Variants in PITPNC1 observed in about 807,000 individuals in gnomAD.
PITPNC1 encodes cytoplasmic phosphatidylinositol transfer protein 1.
In PITPNC1, 18 loss-of-function variants were observed where a neutral mutation model predicts 44.7. That is an observed-to-expected ratio of 0.40 (90% confidence interval 0.28 to 0.60). The LOEUF (loss-of-function observed/expected upper bound fraction) is 0.60, where lower values mean the gene tolerates loss of function less well. Among genes scored for constraint, PITPNC1 ranks in the 20% least tolerant of loss-of-function variants. PITPNC1 has a pLI of 0.39. For synonymous variants in PITPNC1, 141 were observed against 149.6 expected, an observed-to-expected ratio of 0.94 and a Z score of 0.42; for missense variants, 290 against 418.4, an observed-to-expected ratio of 0.69 and a Z score of 2.68.
intron 5 of PITPNC1, 30 bp downstream of exon 5, chr17:67,578,287 C>G: frequency 6.8e-7 from 1 of 1,480,778 alleles, no homozygotes; most frequent in Non-Finnish European, 9.4e-7. Context: ...ATGCTGCGCT[C>G]GCCTCGTGGG....
chr17:67,657,464 T>C (rs2042284805), intron 6 of PITPNC1, among the ~76,000 whole-genome samples: 1 of 152,090 alleles, frequency 6.6e-6, no homozygotes, highest in Non-Finnish European at 1.5e-5. Flanking sequence ...CTGTTTAATA[T>C]TAAAAGTAAA....
intron 1 of PITPNC1, among the ~76,000 whole-genome samples, chr17:67,516,767 C>T (rs890698501): frequency 5.3e-5 from 8 of 152,126 alleles, no homozygotes; most frequent in Admixed American, 1.3e-4. Flanking sequence ...TACAGGCGCC[C>T]GCCACCACGC....
Position 67,694,709 on chromosome 17 carries a change from C to CTT in PITPNC1, c.*1822_*1823dup, listed in dbSNP as rs915874434. 2.0e-5 allele frequency: 3 copies of CTT among 152,152 alleles called. No individual in the cohort carries two copies. Among genetic ancestry groups the CTT allele is most frequent in the Non-Finnish European group, 4.4e-5 (3 of 68,026 alleles). The allele number at this position is 152,152 out of a possible 1,614,324, so 9.4% of individuals were successfully genotyped here. On this transcript the variant is annotated 3_prime_UTR_variant, in exon 9 of 9. Coordinates refer to ENST00000581322, the MANE Select transcript of PITPNC1 (RefSeq NM_012417.4). ...ATCTCTTCCCTAAGAATGATAGTAT[C>CTT]TTAGTAAGACACCTTCTATGCATGG...
chr17:67,591,725 T>G (rs139439780), intron 5 of PITPNC1, among the ~76,000 whole-genome samples: 164 of 152,284 alleles, frequency 1.1e-3, no homozygotes, highest in African/African-American at 3.7e-3. Context: ...AAAATTTTTT[T>G]GGGAGACAGG....
intron 5 of PITPNC1, among the ~76,000 whole-genome samples, chr17:67,591,093 G>A (rs1013390261): frequency 9.9e-5 from 15 of 152,096 alleles, no homozygotes; most frequent in African/African-American, 1.7e-4. Flanking sequence ...TGAAAAAGAC[G>A]CATCACCTCT....
rs113826274 is a variant in PITPNC1, at chr17:67,505,413, A to G, written c.49-27389A>G. On this transcript the variant is annotated intron_variant, in intron 1 of 8. Coordinates refer to ENST00000581322, the MANE Select transcript of PITPNC1 (RefSeq NM_012417.4). ...TGTATTTCAGGGCTCTGTTAGGCAC[A>G]TACCTGTTTATCATTGTATCTTCCT... Among the ~76,000 whole-genome samples, 1,136 of 152,322 alleles carry G rather than the reference A, an allele frequency of 7.5e-3. 14 individuals carry two copies. Among genetic ancestry groups the G allele is most frequent in the African/African-American group, 0.026 (1,082 of 41,562 alleles).
chr17:67,555,132 G>A (rs1403951217), intron 4 of PITPNC1, among the ~76,000 whole-genome samples: 2 of 152,118 alleles, frequency 1.3e-5, no homozygotes, highest in Non-Finnish European at 2.9e-5. Context: ...AGAAGCAGGG[G>A]AACCTTTGCT....
intron 1 of PITPNC1, among the ~76,000 whole-genome samples, chr17:67,449,410 T>TA (rs2039145303): frequency 6.6e-6 from 1 of 152,232 alleles, no homozygotes; most frequent in Non-Finnish European, 1.5e-5. Flanking sequence ...CCTGTAGTGT[T>TA]CTAATCACCT....
chr17:67,477,544 C>A (rs2039647303), intron 1 of PITPNC1, among the ~76,000 whole-genome samples: 1 of 151,574 alleles, frequency 6.6e-6, no homozygotes, highest in Admixed American at 6.6e-5. Flanking sequence ...CGTGTCCAGC[C>A]TGCCCAGCTC....
chr17:67,459,835 A>G (rs1006375775), intron 1 of PITPNC1: 3 of 152,176 alleles, frequency 2.0e-5, no homozygotes, highest in Non-Finnish European at 4.4e-5. Flanking sequence ...AAAAATAGCT[A>G]CCTTTATTTC....
intron 1 of PITPNC1, among the ~76,000 whole-genome samples, chr17:67,525,815 G>A (rs1483898504): frequency 6.6e-6 from 1 of 152,210 alleles, no homozygotes; most frequent in Non-Finnish European, 1.5e-5. Flanking sequence ...AAACTCCCAA[G>A]AAAGCCAAAT....
At chr17:67,609,101 A>G (rs1322891394) in intron 5 of PITPNC1, among the ~76,000 whole-genome samples, 6 of 151,962 alleles carry the variant, frequency 3.9e-5, no homozygotes, top group Non-Finnish European at 7.4e-5. Context: ...GGCTCAAACT[A>G]TCCTCCTGCC....
At chr17:67,632,017 T>C (rs1598910342) in intron 5 of PITPNC1, 126 bp from the exon 6 acceptor site, 2 of 623,734 alleles carry the variant, frequency 3.2e-6, no homozygotes, top group South Asian at 3.9e-5. Context: ...CTGAGGCTGG[T>C]GAAAGCACTA....
At position 67,670,980 on chromosome 17, in the gene PITPNC1, C is replaced by T. The variant is rs144562584; in HGVS notation, c.618+1317C>T. Among the ~76,000 whole-genome samples the T allele has an allele frequency of 7.0e-3, 1,059 of 152,130 alleles. 19 individuals carry two copies. The highest frequency in any genetic ancestry group is 0.025 in the African/African-American group (1,019 of 41,494). Reference sequence around the variant, plus strand: ...CACTGCAACCTCTGCCTCCCGGGTTCAAGTGATTATCCTGCCTCAGCCTCC... The same window carrying T: ...CACTGCAACCTCTGCCTCCCGGGTTTAAGTGATTATCCTGCCTCAGCCTCC... On this transcript the variant is annotated intron_variant, in intron 7 of 8. Coordinates refer to ENST00000581322, the MANE Select transcript of PITPNC1 (RefSeq NM_012417.4).
At chr17:67,524,201 G>GGAT (rs2040366446) in intron 1 of PITPNC1, among the ~76,000 whole-genome samples, 1 of 152,168 alleles carries the variant, frequency 6.6e-6, no homozygotes, top group Non-Finnish European at 1.5e-5. Context: ...CCAAAACTTT[G>GGAT]TGAGGCTGTG....
intron 5 of PITPNC1, among the ~76,000 whole-genome samples, chr17:67,630,535 C>T (rs1361165196): frequency 1.3e-5 from 2 of 152,084 alleles, no homozygotes; most frequent in Admixed American, 6.5e-5. Flanking sequence ...AGAAGAATGG[C>T]TTGAACCCAG....
At chr17:67,409,844 A>G (rs1480381757) in intron 1 of PITPNC1, among the ~76,000 whole-genome samples, 3 of 152,152 alleles carry the variant, frequency 2.0e-5, no homozygotes, top group Non-Finnish European at 4.4e-5. Context: ...GGCCCACATC[A>G]TTCATTTCTT....
At chr17:67,560,442 G>A (rs1031568028) in intron 4 of PITPNC1, among the ~76,000 whole-genome samples, 1 of 152,198 alleles carries the variant, frequency 6.6e-6, no homozygotes, top group Non-Finnish European at 1.5e-5. Context: ...CACAGAACCC[G>A]TAAGTTCCTT....
At chr17:67,491,496 C>A (rs929345571) in intron 1 of PITPNC1, among the ~76,000 whole-genome samples, 1 of 152,200 alleles carries the variant, frequency 6.6e-6, no homozygotes, top group African/African-American at 2.4e-5. Context: ...GTTTTCTGAG[C>A]TGATGTGGCA....
Sources: allele counts gnomAD v4.1 joint callset (sites outside exome capture counted in the v4.1 genomes callset), GRCh38; gene constraint gnomAD v4.1.1; transcripts MANE v1.5; gene names NCBI Gene and HGNC (gene_info 2026-07-23, HGNC 2026-07-21).